C8B: variants seen among roughly 807,000 people sequenced by gnomAD.
C8B encodes the protein complement component C8 beta chain.
C8B carries 67 observed loss-of-function variants against 64.6 expected under a neutral mutation model. The observed-to-expected ratio is 1.04, with a 90% confidence interval of 0.85 to 1.27. C8B has a LOEUF of 1.27. Ranked by LOEUF, C8B falls within the 50% of genes most tolerant of loss-of-function variation. The pLI is 0.00. For synonymous variants in C8B, 284 were observed against 257.7 expected (o/e 1.10, Z -0.98); for missense variants, 790 against 725.2 (o/e 1.09, Z -1.03).
At chr1:56,932,944 G>A (rs1455185722) in intron 10 of C8B, among the ~76,000 whole-genome samples, 1 of 152,112 alleles carries the variant, frequency 6.6e-6, no homozygotes, top group East Asian at 1.9e-4. Flanking sequence ...TCACTGCAGT[G>A]ACCCCAACAT....
intron 6 of C8B, 109 bp downstream of exon 6, chr1:56,949,446 A>G: frequency 9.4e-7 from 1 of 1,067,438 alleles, no homozygotes. Context: ...ACTGTGAGCC[A>G]AGTAAATGTC....
intron 6 of C8B, among the ~76,000 whole-genome samples, chr1:56,948,171 G>A (rs1168814831): frequency 6.6e-6 from 1 of 152,106 alleles, no homozygotes; most frequent in Non-Finnish European, 1.5e-5. Context: ...TGGGGAGGGA[G>A]TAAGCAATAG....
At chr1:56,933,049 C>T (rs1644725123) in intron 10 of C8B, among the ~76,000 whole-genome samples, 1 of 152,166 alleles carries the variant, frequency 6.6e-6, no homozygotes, top group African/African-American at 2.4e-5. Flanking sequence ...GCACAAAGGG[C>T]TTCTCCTACT....
intron 6 of C8B, among the ~76,000 whole-genome samples, chr1:56,946,862 C>A (rs984510210): frequency 6.6e-6 from 1 of 152,174 alleles, no homozygotes; most frequent in Non-Finnish European, 1.5e-5. Flanking sequence ...TCGGCCTAAT[C>A]CTAAATCCTT....
intron 1 of C8B, among the ~76,000 whole-genome samples, chr1:56,963,611 G>A (rs945109157): frequency 4.6e-5 from 7 of 152,014 alleles, no homozygotes; most frequent in African/African-American, 1.2e-4. Flanking sequence ...AGGGGACAAC[G>A]CATTAGTGAG....
intron 5 of C8B, among the ~76,000 whole-genome samples, chr1:56,951,471 C>G (rs1266059178): frequency 1.3e-5 from 2 of 152,140 alleles, no homozygotes; most frequent in Admixed American, 1.3e-4. Context: ...TGAGATGTTT[C>G]TAAGTTTGTA....
intron 11 of C8B, among the ~76,000 whole-genome samples, chr1:56,931,278 CT>C (rs573764570): frequency 1.3e-5 from 2 of 152,194 alleles, no homozygotes; most frequent in Non-Finnish European, 2.9e-5. Context: ...TGAGCAACAG[CT>C]GTGCCTGGCT....
intron 9 of C8B, among the ~76,000 whole-genome samples, chr1:56,934,611 T>A (rs1365168362): frequency 6.6e-6 from 1 of 152,194 alleles, no homozygotes; most frequent in Non-Finnish European, 1.5e-5. Context: ...CAATCATGAC[T>A]AATAGAAGCC....
At chr1:56,946,256 C>T (rs1029638101) in intron 6 of C8B, among the ~76,000 whole-genome samples, 195 bp from the exon 7 acceptor site, 4 of 152,108 alleles carry the variant, frequency 2.6e-5, no homozygotes, top group Admixed American at 6.5e-5. Flanking sequence ...TCCTGTTCAG[C>T]TTGGAAGAGC....
chr1:56,953,157 G>C (rs1238907553), intron 4 of C8B, among the ~76,000 whole-genome samples: 1 of 152,046 alleles, frequency 6.6e-6, no homozygotes, highest in Non-Finnish European at 1.5e-5. Flanking sequence ...GACATTATTT[G>C]TAACTGCCTC....
chr1:56,943,878 C>A, intron 7 of C8B, 54 bp from the exon 8 acceptor site: 2 of 1,605,718 alleles, frequency 1.2e-6, no homozygotes, highest in Non-Finnish European at 1.7e-6. Flanking sequence ...CACTCTGTCC[C>A]TTTTCCTATG....
chr1:56,934,324 A>T (rs1227381987), intron 9 of C8B, among the ~76,000 whole-genome samples: 1 of 152,030 alleles, frequency 6.6e-6, no homozygotes, highest in Non-Finnish European at 1.5e-5. Flanking sequence ...GGGGGCATGG[A>T]TGAGAGGGTT....
In C8B at chr1:56,965,857, C is replaced by G; in HGVS notation, c.92G>C (p.Arg31Thr). The part of the protein sequence containing the change: ...ALGCLSLPGS[R>T]GERPHSFGSN... ...GGAATTATTGGTAACTGTCACTTAC[C>G]TGGAGCCAGGCAAACTGAGACAGCC... The change falls in exon 1 of 12, where the codon AGA (arginine) becomes ACA (threonine). Residue 31 changes from arginine to threonine, a missense_variant and splice_region_variant. Physicochemically the swap from Arg to Thr is moderately conservative, Grantham distance 71. Transcript: ENST00000371237. 1.2e-6 allele frequency: 2 copies of G among 1,614,144 alleles called. No individual in the cohort carries two copies. Among genetic ancestry groups the G allele is most frequent in the African/African-American group, 1.3e-5 (1 of 75,022 alleles).
At chr1:56,962,110 G>A (rs890708831) in intron 1 of C8B, among the ~76,000 whole-genome samples, 1 of 152,178 alleles carries the variant, frequency 6.6e-6, no homozygotes, top group African/African-American at 2.4e-5. Flanking sequence ...GACTGAGCAG[G>A]TAAGTAATGT....
At position 56,959,736 on chromosome 1, in the gene C8B, G is replaced by C; in HGVS notation, c.249+284C>G. The C allele has an allele frequency of 3.4e-6, 3 of 873,760 alleles. 1 individual carries two copies. In the South Asian group the frequency reaches 5.1e-5, roughly 15 times the overall value. The allele number at this position is 873,760 out of a possible 1,614,324, so 54.1% of individuals were successfully genotyped here. On this transcript the variant is annotated intron_variant, in intron 2 of 11. Coordinates refer to ENST00000371237, the MANE Select transcript of C8B (RefSeq NM_000066.4). ...GACATACACTATGATTGCTTCCCCT[G>C]TTTCATGATGAAAGATTGATTGAAA...
chr1:56,943,213 A>T (rs1644890808), intron 8 of C8B, among the ~76,000 whole-genome samples: 1 of 152,194 alleles, frequency 6.6e-6, no homozygotes, highest in Non-Finnish European at 1.5e-5. Context: ...AAATAGAAAA[A>T]GCACACCCTC....
At chr1:56,944,805 C>A (rs1030741347) in intron 7 of C8B, among the ~76,000 whole-genome samples, 2 of 152,202 alleles carry the variant, frequency 1.3e-5, no homozygotes, top group Admixed American at 1.3e-4. Flanking sequence ...TGGTGTACCA[C>A]GTGTCCTCTT....
At chr1:56,934,009 C>G (rs1281813963) in intron 9 of C8B, among the ~76,000 whole-genome samples, 1 of 152,176 alleles carries the variant, frequency 6.6e-6, no homozygotes, top group African/African-American at 2.4e-5. Context: ...GCAAGAGTCA[C>G]TATCAGGAAC....
intron 4 of C8B, among the ~76,000 whole-genome samples, chr1:56,952,750 C>T (rs1170939106): frequency 6.6e-6 from 1 of 152,174 alleles, no homozygotes; most frequent in East Asian, 1.9e-4. Flanking sequence ...GCCAATTAAA[C>T]CTTGGGTGGC....
Sources: gnomAD v4.1 joint callset for allele counts (sites outside exome capture counted in the v4.1 genomes callset) on GRCh38, gnomAD v4.1.1 for gene constraint, MANE v1.5 for transcripts, NCBI Gene and HGNC (gene_info 2026-07-23, HGNC 2026-07-21) for gene names.